PCDH9: variants seen among roughly 807,000 people sequenced by gnomAD.
The protein encoded by PCDH9 is protocadherin-9.
In PCDH9, 24 loss-of-function variants were observed where a neutral mutation model predicts 70.6. The observed-to-expected ratio is 0.34, with a 90% confidence interval of 0.25 to 0.48. The LOEUF (loss-of-function observed/expected upper bound fraction) is 0.48. Ranked by LOEUF, PCDH9 falls within the 20% of genes least tolerant of loss-of-function variation. PCDH9 has a pLI of 0.99. For synonymous variants in PCDH9, 562 were observed against 558.5 expected (o/e 1.01, Z -0.09); for missense variants, 1,281 against 1,503.6 (o/e 0.85, Z 2.45).
intron 4 of PCDH9, among the ~76,000 whole-genome samples, chr13:66,332,622 T>G (rs9571574): frequency 0.2 from 30,447 of 151,832 alleles, 3,489 homozygotes; most frequent in East Asian, 0.38. Context: ...GAGATACTCA[T>G]GTGCTCTAAA....
At chr13:67,164,292 A>T (rs1398928008) in intron 2 of PCDH9, among the ~76,000 whole-genome samples, 1 of 152,158 alleles carries the variant, frequency 6.6e-6, no homozygotes, top group Non-Finnish European at 1.5e-5. Context: ...TAAGAAGAAT[A>T]TACGCCGGGC....
chr13:66,328,377 G>T (rs1955881747), intron 4 of PCDH9, among the ~76,000 whole-genome samples: 1 of 152,134 alleles, frequency 6.6e-6, no homozygotes, highest in South Asian at 2.1e-4. Context: ...AAATAGGAAA[G>T]TAAGAAGTGC....
At chr13:66,320,505 T>A (rs1203519230) in intron 4 of PCDH9, among the ~76,000 whole-genome samples, 1 of 152,050 alleles carries the variant, frequency 6.6e-6, no homozygotes, top group Non-Finnish European at 1.5e-5. Flanking sequence ...TTTATAAAGT[T>A]AAGCTGTTGT....
intron 4 of PCDH9, among the ~76,000 whole-genome samples, chr13:66,353,841 C>T (rs1246855108): frequency 6.6e-6 from 1 of 152,070 alleles, no homozygotes; most frequent in Non-Finnish European, 1.5e-5. Context: ...CTAACTGTCT[C>T]CAGCAACCAG....
At chr13:66,850,441 G>A (rs1469847180) in intron 3 of PCDH9, among the ~76,000 whole-genome samples, 1 of 151,932 alleles carries the variant, frequency 6.6e-6, no homozygotes, top group Non-Finnish European at 1.5e-5. Context: ...AACCTAGGAG[G>A]CGGAGTTTGC....
intron 3 of PCDH9, among the ~76,000 whole-genome samples, chr13:66,853,722 T>TG (rs1471545119): frequency 1.3e-5 from 2 of 151,834 alleles, no homozygotes; most frequent in Non-Finnish European, 2.9e-5. Flanking sequence ...CTTGGGATAA[T>TG]GACTGATTCA....
At chr13:66,911,949 T>C (rs1434295694) in intron 2 of PCDH9, among the ~76,000 whole-genome samples, 3 of 152,148 alleles carry the variant, frequency 2.0e-5, no homozygotes, top group Middle Eastern at 3.2e-3. Context: ...TTTAAGACAA[T>C]TGTTTTGCAG....
intron 4 of PCDH9, among the ~76,000 whole-genome samples, chr13:66,458,048 A>G (rs1947028480): frequency 6.6e-6 from 1 of 152,044 alleles, no homozygotes; most frequent in African/African-American, 2.4e-5. Flanking sequence ...TTCTCTCTGT[A>G]CAGTACCTAA....
At chr13:66,890,585 G>GTCATCCCTTTGAAATGAAT (rs2082080941) in intron 3 of PCDH9, among the ~76,000 whole-genome samples, 1 of 151,366 alleles carries the variant, frequency 6.6e-6, no homozygotes, top group African/African-American at 2.4e-5. Flanking sequence ...GTACCTGGAA[G>GTCATCCCTTTGAAATGAAT]TCATCCCTTT....
chr13:66,442,877 T>C (rs1958002272), intron 4 of PCDH9, among the ~76,000 whole-genome samples: 1 of 152,198 alleles, frequency 6.6e-6, no homozygotes, highest in Non-Finnish European at 1.5e-5. Context: ...AACACCTAAT[T>C]TACCTTCATG....
intron 2 of PCDH9, among the ~76,000 whole-genome samples, chr13:67,022,547 G>A (rs1434025740): frequency 6.6e-6 from 1 of 152,158 alleles, no homozygotes; most frequent in Non-Finnish European, 1.5e-5. Flanking sequence ...TTTCCTTTTA[G>A]CCAGGAACTA....
At chr13:67,064,714 G>A (rs1191020681) in intron 2 of PCDH9, among the ~76,000 whole-genome samples, 1 of 152,108 alleles carries the variant, frequency 6.6e-6, no homozygotes, top group Non-Finnish European at 1.5e-5. Context: ...TTCTTCTGCA[G>A]TTCTGGACAT....
At chr13:67,194,164 C>T (rs996183851) in intron 2 of PCDH9, among the ~76,000 whole-genome samples, 1 of 152,058 alleles carries the variant, frequency 6.6e-6, no homozygotes, top group Middle Eastern at 3.2e-3. Flanking sequence ...CAATTTTGTG[C>T]CAGATACTTT....
At chr13:66,308,473 A>T (rs1328821603) in intron 4 of PCDH9, among the ~76,000 whole-genome samples, 1 of 152,228 alleles carries the variant, frequency 6.6e-6, no homozygotes, top group East Asian at 1.9e-4. Context: ...TATAAATTTT[A>T]AAGATCCATC....
chr13:66,427,254 A>G (rs1957687192), intron 4 of PCDH9, among the ~76,000 whole-genome samples: 1 of 151,710 alleles, frequency 6.6e-6, no homozygotes, highest in Admixed American at 6.6e-5. Context: ...TTACTACCAT[A>G]ATGATTAAAT....
intron 2 of PCDH9, among the ~76,000 whole-genome samples, chr13:67,037,800 T>A (rs1245792372): frequency 6.6e-6 from 1 of 152,154 alleles, no homozygotes; most frequent in Non-Finnish European, 1.5e-5. Flanking sequence ...TTCCATTTCA[T>A]AAATGAAAAT....
intron 3 of PCDH9, among the ~76,000 whole-genome samples, chr13:66,780,101 G>T (rs2079974032): frequency 6.6e-6 from 1 of 151,700 alleles, no homozygotes; most frequent in South Asian, 2.1e-4. Context: ...TGTTTTAGCT[G>T]CTCTAGGCAC....
intron 3 of PCDH9, among the ~76,000 whole-genome samples, chr13:66,639,900 G>A (rs1186563562): frequency 2.0e-5 from 3 of 152,004 alleles, no homozygotes; most frequent in East Asian, 1.9e-4. Flanking sequence ...CTGAGCACAC[G>A]AAATATAAAA....
In PCDH9 at chr13:66,749,392, A is replaced by G. The variant is rs1052297822; in HGVS notation, c.3139-117981T>C. Reference sequence around the variant, plus strand: ...GGAATAACAACAAATACTACATCATAATCAACAATCATTTATGAAATGCTT... The same window carrying G: ...GGAATAACAACAAATACTACATCATGATCAACAATCATTTATGAAATGCTT... On this transcript the variant is annotated intron_variant, in intron 3 of 4. Coordinates refer to ENST00000377865, the MANE Select transcript of PCDH9 (RefSeq NM_203487.3). Among the ~76,000 whole-genome samples, 9 of 152,164 alleles carry G rather than the reference A, an allele frequency of 5.9e-5. No individual in the cohort carries two copies. The South Asian group carries it at 1.0e-3, about 17-fold the overall frequency.
Sources: gnomAD v4.1 joint callset for allele counts (sites outside exome capture counted in the v4.1 genomes callset) on GRCh38, gnomAD v4.1.1 for gene constraint, MANE v1.5 for transcripts, NCBI Gene and HGNC (gene_info 2026-07-23, HGNC 2026-07-21) for gene names.